The following CAPG variants were observed in gnomAD, a reference collection of about 807,000 sequenced individuals.
The protein encoded by CAPG is macrophage-capping protein.
Under a neutral mutation model 44.6 loss-of-function variants are expected in CAPG, and 32 were observed. The ratio of observed to expected loss-of-function variants is 0.72; its 90% confidence interval spans 0.54 to 0.96. The LOEUF is 0.96. Among genes scored for constraint, CAPG ranks in the 50% least tolerant of loss-of-function variants. The probability of loss-of-function intolerance (pLI) is 0.00; values close to 1 mark genes in which losing one functional copy is unlikely to be tolerated. For missense variants in CAPG, 412 were observed against 438.3 expected, an observed-to-expected ratio of 0.94 and a Z score of 0.54; for synonymous variants, 175 against 179.6, an observed-to-expected ratio of 0.97 and a Z score of 0.20.
At chr2:85,398,664 T>A in intron 7 of CAPG, 26 bp downstream of exon 7, 1 of 1,564,770 alleles carries the variant, frequency 6.4e-7, no homozygotes, top group South Asian at 1.2e-5. Flanking sequence ...TGCTGCCGGG[T>A]CCCAGGGCAG....
chr2:85,395,872 A>C lies in CAPG; in HGVS notation c.893-246T>G. ...GTCTGCCCGGGTCTGATCATGCAAA[A>C]CTCTGCTCTGACCTGGGCCCCTGGA... On this transcript the variant is annotated intron_variant, in intron 8 of 9. Transcript: ENST00000263867. This position sits in a 1 kb window ranked among gnomAD's most constrained non-coding sequence, Gnocchi z 4.3. 2.0e-6 allele frequency: 1 copy of C among 501,102 alleles called. No individual in the cohort carries two copies. Among genetic ancestry groups the C allele is most frequent in the Non-Finnish European group, 3.6e-6 (1 of 275,860 alleles). The allele number at this position is 501,102 out of a possible 1,614,324, so 31.0% of individuals were successfully genotyped here.
chr2:85,399,028 T>C, intron 6 of CAPG, 108 bp downstream of exon 6: 1 of 1,268,852 alleles, frequency 7.9e-7, no homozygotes, highest in Non-Finnish European at 1.1e-6. Context: ...GTACACCAGA[T>C]GGCCCCTGCC....
At position 85,407,712 on chromosome 2, in the gene CAPG, CAA is replaced by C. The variant is rs60228110; in HGVS notation, c.-14+2603_-14+2604del. Among the ~76,000 whole-genome samples, 456 of 91,134 alleles carry C rather than the reference CAA, an allele frequency of 5.0e-3. 1 individual carries two copies. Among genetic ancestry groups the C allele is most frequent in the East Asian group, 0.015 (46 of 3,038 alleles). 59.8% of individuals were successfully genotyped at this position (91,134 alleles called of 152,430 possible). The stretch of plus-strand genomic sequence containing the variant: ...TGGGTGACAGAGTGAGACTCTGTCT[CAA>C]AAAAAAAAAAAAAAAAAAGTAATTT... On this transcript the variant is annotated intron_variant, in intron 1 of 9. Transcript: ENST00000263867.
In CAPG at chr2:85,395,452, C is replaced by G; in HGVS notation, c.981+86G>C. ...GTTGTTCCTGACAGTGCCCAAGGCT[C>G]TCCTGCCCTTCCTGGCCAATTTGAG... On this transcript the variant is annotated intron_variant, in intron 9 of 9. Transcript: ENST00000263867. The surrounding 1 kb of genome is among the most constrained non-coding windows in gnomAD (Gnocchi z 4.3). 7 of 1,082,340 alleles carry G rather than the reference C, an allele frequency of 6.5e-6. No homozygotes were observed. In the South Asian group the frequency reaches 9.2e-5, roughly 14 times the overall value. The allele number at this position is 1,082,340 out of a possible 1,614,324, so 67.0% of individuals were successfully genotyped here. A position where few individuals can be genotyped will look rare whatever the true frequency, so the allele number is the denominator to read the frequency against.
intron 1 of CAPG, chr2:85,409,762 C>T (rs184903610): frequency 1.4e-4 from 21 of 152,384 alleles, no homozygotes; most frequent in African/African-American, 4.8e-4. Flanking sequence ...TCCCCACCTC[C>T]TACCTCAGAC....
chr2:85,409,146 T>C (rs1001698721), intron 1 of CAPG, among the ~76,000 whole-genome samples: 1 of 152,350 alleles, frequency 6.6e-6, no homozygotes, highest in Admixed American at 6.5e-5. Flanking sequence ...TGGAACCTCA[T>C]GCAGGTGCTC....
At chr2:85,393,130 G>A (rs62162719), downstream of CAPG, among the ~76,000 whole-genome samples, 386 of 151,950 alleles carry the variant, frequency 2.5e-3, 1 homozygote, top group Non-Finnish European at 4.2e-3. Flanking sequence ...CCACCTCCCG[G>A]GCTCAAGCCA....
chr2:85,418,621 AAC>A (rs924543609), upstream of CAPG: 12 of 148,670 alleles, frequency 8.1e-5, no homozygotes, highest in East Asian at 2.4e-3. Flanking sequence ...CAGTCTCACA[AAC>A]ACACAGTCAC....
At chr2:85,404,298 T>A (rs185427095) in intron 1 of CAPG, among the ~76,000 whole-genome samples, 1,740 of 145,606 alleles carry the variant, frequency 0.012, 139 homozygotes, top group Admixed American at 0.1. Context: ...CAGGCCAAAA[T>A]TTGAAAATCA....
At chr2:85,398,280 G>A in intron 7 of CAPG, 128 bp from the exon 8 acceptor site, 1 of 1,108,118 alleles carries the variant, frequency 9.0e-7, no homozygotes, top group Non-Finnish European at 1.3e-6. Flanking sequence ...CCAGGTCCCA[G>A]GAGCAGACAA....
chr2:85,406,378 C>T (rs537850395), intron 1 of CAPG, among the ~76,000 whole-genome samples: 15 of 152,300 alleles, frequency 9.8e-5, no homozygotes, highest in African/African-American at 3.1e-4. Flanking sequence ...TGAACCACCC[C>T]GTAGGCCCAT....
Position 85,398,100 on chromosome 2 carries a change from G to A in CAPG, c.812C>T (p.Pro271Leu), listed in dbSNP as rs748168456. Residue 271 changes from proline (P) to leucine (L), a missense_variant, in exon 8 of 10, where the codon CCA becomes CTA. Transcript: ENST00000263867. Reference protein sequence around the residue: ...MNLTKVADSSPFALELLISDD... With the variant: ...MNLTKVADSSLFALELLISDD... ...AGATATCAGCAGTTCAAGGGCAAATGGGCTGGAGTCAGCCACCTTGGTCAG... is the reference window on the plus strand; with the variant it reads ...AGATATCAGCAGTTCAAGGGCAAATAGGCTGGAGTCAGCCACCTTGGTCAG... 3.7e-6 allele frequency: 6 copies of A among 1,614,000 alleles called. No individual in the cohort carries two copies. The South Asian group carries it at 6.6e-5, about 18-fold the overall frequency.
chr2:85,401,593 C>A lies in CAPG; in HGVS notation c.287G>T (p.Arg96Leu), dbSNP rs757065726. ...GTCAGACTCATTGCCCTGCACCTCG[C>A]GGTGCTGCACAGGCCGCTCTCCCAG... ...TLLGERPVQH[R>L]EVQGNESDLF... The change falls in exon 4 of 10, where the codon CGC becomes CTC. Residue 96 changes from arginine (R) to leucine (L), a missense_variant. Physicochemically the swap from Arg to Leu is moderately radical, Grantham distance 102 (BLOSUM62 -2). Coordinates refer to ENST00000263867, the MANE Select transcript of CAPG (RefSeq NM_001747.4). The A allele has an allele frequency of 5.0e-6, 8 of 1,614,130 alleles. No homozygotes were observed. Among genetic ancestry groups the A allele is most frequent in the South Asian group, 1.1e-5 (1 of 91,080 alleles).
intron 1 of CAPG, among the ~76,000 whole-genome samples, chr2:85,402,382 T>G (rs1268019217): frequency 1.3e-5 from 2 of 152,196 alleles, no homozygotes; most frequent in African/African-American, 4.8e-5. Flanking sequence ...CTCTGACCCC[T>G]GGGCCAGGGT....
intron 1 of CAPG, among the ~76,000 whole-genome samples, chr2:85,415,508 A>G (rs1410905880): frequency 6.6e-6 from 1 of 152,256 alleles, no homozygotes; most frequent in African/African-American, 2.4e-5. Context: ...CTACCAAGAT[A>G]TAAAACACTT....
Position 85,399,127 on chromosome 2 carries a change from T to TC in CAPG, c.666+8dup, listed in dbSNP as rs746172432. The TC allele has an allele frequency of 3.1e-6, 5 of 1,611,226 alleles. No homozygotes were observed. In the East Asian group the frequency reaches 1.1e-4, roughly 36 times the overall value. ...AGGCTCCCAGCCACCCACTCCAATG[T>TC]CCCCCAACCTGGATCATCTCAGCAG... On this transcript the variant is annotated intron_variant, in intron 6 of 9. Coordinates refer to ENST00000263867, the MANE Select transcript of CAPG (RefSeq NM_001747.4).
At chr2:85,404,126 T>C (rs1219912647) in intron 1 of CAPG, among the ~76,000 whole-genome samples, 3 of 152,074 alleles carry the variant, frequency 2.0e-5, no homozygotes, top group South Asian at 2.1e-4. Flanking sequence ...GTGATGGATA[T>C]GCTAATTACC....
upstream of CAPG, chr2:85,413,892 G>A (rs570469946): frequency 2.6e-5 from 4 of 152,394 alleles, no homozygotes; most frequent in East Asian, 7.7e-4. Context: ...GAAGAGGAGG[G>A]AGCGGGGCGC....
At chr2:85,404,984 G>C (rs1687079813) in intron 1 of CAPG, among the ~76,000 whole-genome samples, 1 of 147,426 alleles carries the variant, frequency 6.8e-6, no homozygotes, top group Non-Finnish European at 1.5e-5. Flanking sequence ...GGAATAGAAA[G>C]AAATTTCCTT....
Sources: gnomAD v4.1 joint callset for allele counts (sites outside exome capture counted in the v4.1 genomes callset) on GRCh38, gnomAD v4.1.1 for gene constraint, Gnocchi (gnomAD v3.1) non-coding constraint, MANE v1.5 for transcripts, NCBI Gene and HGNC (gene_info 2026-07-23, HGNC 2026-07-21) for gene names.